Variants in UBA6 observed in about 807,000 individuals in gnomAD.
UBA6 encodes the protein ubiquitin-like modifier-activating enzyme 6.
In UBA6, 87 loss-of-function variants were observed where a neutral mutation model predicts 148.3. The ratio of observed to expected loss-of-function variants is 0.59; its 90% CI spans 0.49 to 0.70. The LOEUF (loss-of-function observed/expected upper bound fraction) is 0.70, where lower values mean the gene tolerates loss of function less well. Among genes scored for constraint, UBA6 ranks in the 30% least tolerant of loss-of-function variants. UBA6 has a pLI of 0.00. For synonymous variants in UBA6, 376 were observed against 401.0 expected, an observed-to-expected ratio of 0.94 and a Z score of 0.75; for missense variants, 1,186 against 1,241.2, an observed-to-expected ratio of 0.96 and a Z score of 0.67.
At chr4:67,694,230 A>G (rs1217400492) in intron 2 of UBA6, among the ~76,000 whole-genome samples, 1 of 143,834 alleles carries the variant, frequency 7.0e-6, no homozygotes, top group Non-Finnish European at 1.5e-5. Flanking sequence ...AAAAAAAAAA[A>G]AAAAAAAAAA....
chr4:67,663,082 T>G, intron 12 of UBA6, 57 bp downstream of exon 12: 1 of 1,275,010 alleles, frequency 7.8e-7, no homozygotes, highest in Non-Finnish European at 1.1e-6. Context: ...AATTATAATT[T>G]CTGAACTACT....
At chr4:67,649,969 CAGAGA>C (rs1729514175) in intron 13 of UBA6, among the ~76,000 whole-genome samples, 1 of 152,054 alleles carries the variant, frequency 6.6e-6, no homozygotes, top group Non-Finnish European at 1.5e-5. Flanking sequence ...GAGGAGAGGA[CAGAGA>C]AGAGTTTTTA....
intron 6 of UBA6, 92 bp from the exon 7 acceptor site, chr4:67,673,869 T>C: frequency 1.3e-6 from 1 of 789,856 alleles, no homozygotes; most frequent in Non-Finnish European, 2.0e-6. Context: ...TGCGTTGTGC[T>C]AAAGACACAT....
At chr4:67,624,395 T>A in intron 29 of UBA6, 142 bp from the exon 30 acceptor site, 1 of 648,856 alleles carries the variant, frequency 1.5e-6, no homozygotes, top group Non-Finnish European at 2.4e-6. Context: ...TATAAATTTC[T>A]TATTACAGGT....
intron 9 of UBA6, 112 bp downstream of exon 9, chr4:67,668,439 A>G: frequency 1.0e-6 from 1 of 993,212 alleles, no homozygotes; most frequent in South Asian, 1.7e-5. Context: ...TTTTGAGGCC[A>G]AGGGCTTTGG....
chr4:67,623,278 T>C, intron 30 of UBA6, 56 bp from the exon 31 acceptor site: 1 of 1,348,190 alleles, frequency 7.4e-7, no homozygotes, highest in Non-Finnish European at 1.1e-6. Flanking sequence ...CTTTTAGTGA[T>C]GACACACACA....
In UBA6 at chr4:67,695,174, C is replaced by T. The variant is rs1055365674; in HGVS notation, c.134+1471G>A. On this transcript the variant is annotated intron_variant, in intron 2 of 32. Coordinates refer to ENST00000322244, the MANE Select transcript of UBA6 (RefSeq NM_018227.6). ...TCTCAAAGAGGTGCCATTTGTTAAA[C>T]CAAGAAAAACATGACCAAAAGGACA... Among the ~76,000 whole-genome samples the T allele has an allele frequency of 3.9e-5, 6 of 152,102 alleles. No homozygotes were observed. In the South Asian group the frequency reaches 1.0e-3, roughly 26 times the overall value.
chr4:67,682,216 A>G lies in UBA6; in HGVS notation c.135-3T>C, dbSNP rs1307463042. The stretch of plus-strand genomic sequence containing the variant: ...CTCCAAGAACGTACCTCTGTCGACT[A>G]CACGGAAAACACAATAAAAAACAAA... On this transcript the variant is annotated splice_region_variant and splice_polypyrimidine_tract_variant and intron_variant, in intron 2 of 32. Coordinates refer to ENST00000322244, the MANE Select transcript of UBA6 (RefSeq NM_018227.6). The G allele has an allele frequency of 1.9e-6, 3 of 1,608,234 alleles. No homozygotes were observed.
intron 19 of UBA6, among the ~76,000 whole-genome samples, chr4:67,637,710 T>C (rs1310858672): frequency 6.6e-6 from 1 of 152,094 alleles, no homozygotes; most frequent in African/African-American, 2.4e-5. Context: ...CGGTGCAAGA[T>C]GTGCTTTGTT....
At position 67,653,825 on chromosome 4, in the gene UBA6, T is replaced by C. The variant is rs149432802; in HGVS notation, c.1105-4614A>G. ...AAGAATTGCTAACTAGAATAAACAGTGTAGAGAAGACCTTAAATGACCTGA... is the reference window on the plus strand; with the variant it reads ...AAGAATTGCTAACTAGAATAAACAGCGTAGAGAAGACCTTAAATGACCTGA... On this transcript the variant is annotated intron_variant, in intron 13 of 32. Coordinates refer to ENST00000322244, the MANE Select transcript of UBA6 (RefSeq NM_018227.6). Among the ~76,000 whole-genome samples the C allele has an allele frequency of 8.1e-3, 1,228 of 152,170 alleles. 21 individuals are homozygous for C. Among genetic ancestry groups the C allele is most frequent in the African/African-American group, 0.028 (1,181 of 41,502 alleles).
At chr4:67,698,952 C>T (rs1183997144) in intron 1 of UBA6, among the ~76,000 whole-genome samples, 4 of 151,958 alleles carry the variant, frequency 2.6e-5, no homozygotes, top group African/African-American at 9.7e-5. Context: ...AAGAGCAAGA[C>T]TCTGTCAAAA....
intron 19 of UBA6, 96 bp from the exon 20 acceptor site, chr4:67,635,654 TG>T: frequency 1.5e-6 from 1 of 664,870 alleles, no homozygotes; most frequent in East Asian, 3.2e-5. Flanking sequence ...TTTCACATAC[TG>T]ATCACTTCTT....
At chr4:67,622,711 T>C (rs1376072696) in intron 32 of UBA6, 120 bp downstream of exon 32, 2 of 668,752 alleles carry the variant, frequency 3.0e-6, no homozygotes, top group East Asian at 3.0e-5. Context: ...TTTATTAATG[T>C]CATTAGACAA....
At chr4:67,669,261 A>G (rs1730083083) in intron 8 of UBA6, among the ~76,000 whole-genome samples, 1 of 152,186 alleles carries the variant, frequency 6.6e-6, no homozygotes, top group Non-Finnish European at 1.5e-5. Context: ...AAAATCAACT[A>G]GAGAAGGTAA....
At chr4:67,665,432 T>TTTG (rs34746280) in intron 9 of UBA6, 140 bp from the exon 10 acceptor site, 3,250 of 232,524 alleles carry the variant, frequency 0.014, 2 homozygotes, top group South Asian at 0.034. Context: ...TGTTTGTTTG[T>TTTG]TTTTTTTTTT....
At chr4:67,679,430 T>C (rs1730376001) in intron 4 of UBA6, among the ~76,000 whole-genome samples, 1 of 152,048 alleles carries the variant, frequency 6.6e-6, no homozygotes, top group South Asian at 2.1e-4. Context: ...TCTCTAAAAA[T>C]CCAAAGCAAA....
At chr4:67,696,610 G>A in intron 2 of UBA6, 35 bp downstream of exon 2, 2 of 1,519,574 alleles carry the variant, frequency 1.3e-6, no homozygotes, top group Non-Finnish European at 1.8e-6. Flanking sequence ...ACAATTAATG[G>A]GGAAAATAAG....
rs758367005 is a variant in UBA6 at position 67,701,060 on chromosome 4, C to G, written c.60G>C (p.Trp20Cys). The G allele has an allele frequency of 2.5e-6, 4 of 1,613,710 alleles. No individual in the cohort carries two copies. The highest frequency in any genetic ancestry group is 3.4e-6 in the Non-Finnish European group (4 of 1,179,784). ...TCTCGTCCTCTCACCTGCCAGTCCC[C>G]CAGGAAGAACAGGACGCCTCTTCCC... ...HQGEEASCSS[W>C]GTGSTNKNLP... Residue 20 changes from tryptophan to cysteine, a missense_variant, in exon 1 of 33, where the codon TGG (tryptophan) becomes TGC (cysteine). By Grantham distance (215) the Trp-to-Cys change is radical. Coordinates refer to ENST00000322244, the MANE Select transcript of UBA6 (RefSeq NM_018227.6).
chr4:67,683,908 A>C (rs1240670067), intron 2 of UBA6, among the ~76,000 whole-genome samples: 1 of 152,104 alleles, frequency 6.6e-6, no homozygotes, highest in African/African-American at 2.4e-5. Flanking sequence ...CCCCATCTCT[A>C]TAAAAACTAC....
Sources: allele counts gnomAD v4.1 joint callset (sites outside exome capture counted in the v4.1 genomes callset), GRCh38; gene constraint gnomAD v4.1.1; transcripts MANE v1.5; gene names NCBI Gene and HGNC (gene_info 2026-07-23, HGNC 2026-07-21).